CADM2: variants seen among roughly 807,000 people sequenced by gnomAD.
CADM2 encodes the protein cell adhesion molecule 2.
In CADM2, 12 loss-of-function variants were observed where a neutral mutation model predicts 49.8. The observed-to-expected ratio is 0.24, with a 90% confidence interval of 0.15 to 0.39. The LOEUF (loss-of-function observed/expected upper bound fraction) is 0.39. Ranked by LOEUF, CADM2 falls within the 10% of genes least tolerant of loss-of-function variation. The pLI, the probability that CADM2 is intolerant of heterozygous loss-of-function variation, is 1.00. For synonymous variants in CADM2, 214 were observed against 175.4 expected (o/e 1.22, Z -1.74); for missense variants, 378 against 492.3 (o/e 0.77, Z 2.20).
At chr3:85,858,898 C>A (rs1243815890) in intron 3 of CADM2, among the ~76,000 whole-genome samples, 1 of 152,054 alleles carries the variant, frequency 6.6e-6, no homozygotes, top group Non-Finnish European at 1.5e-5. Flanking sequence ...AACAAAACAG[C>A]CTATATGATA....
At chr3:85,476,828 C>T (rs1162093214) in intron 1 of CADM2, among the ~76,000 whole-genome samples, 4 of 151,662 alleles carry the variant, frequency 2.6e-5, no homozygotes, top group African/African-American at 7.3e-5. Flanking sequence ...ATCTATCTTC[C>T]TACCTTCTAT....
intron 1 of CADM2, among the ~76,000 whole-genome samples, chr3:85,101,676 C>T (rs2038019233): frequency 6.6e-6 from 1 of 152,118 alleles, no homozygotes; most frequent in African/African-American, 2.4e-5. Context: ...ATGACTACAG[C>T]TTAGAAGTAT....
rs563847803 is a variant in CADM2 at position 86,043,294 on chromosome 3, C to T, written c.971-22311C>T. Among the ~76,000 whole-genome samples, 11 of 152,264 alleles carry T rather than the reference C, an allele frequency of 7.2e-5. No homozygotes were observed. In the East Asian group the frequency reaches 2.1e-3, roughly 29 times the overall value. Reference sequence around the variant, plus strand: ...AGGAAAAGAGGAAGTCAAATTGTCCCTGTTTGCAGAAGACATGATTGTATA... The same window carrying T: ...AGGAAAAGAGGAAGTCAAATTGTCCTTGTTTGCAGAAGACATGATTGTATA... On this transcript the variant is annotated intron_variant, in intron 8 of 9. Coordinates refer to ENST00000383699, the MANE Select transcript of CADM2 (RefSeq NM_001167675.2).
intron 8 of CADM2, among the ~76,000 whole-genome samples, chr3:86,035,545 C>A (rs770742128): frequency 1.3e-5 from 2 of 152,052 alleles, no homozygotes; most frequent in Non-Finnish European, 2.9e-5. Flanking sequence ...GTATACTTTG[C>A]ACAGTGTTTG....
At chr3:85,039,226 C>T (rs1040248663) in intron 1 of CADM2, among the ~76,000 whole-genome samples, 1 of 152,198 alleles carries the variant, frequency 6.6e-6, no homozygotes, top group Non-Finnish European at 1.5e-5. Context: ...GTATCGGACT[C>T]CTCACCTCAG....
intron 3 of CADM2, among the ~76,000 whole-genome samples, chr3:85,880,091 T>C (rs73847416): frequency 0.054 from 8,296 of 152,236 alleles, 640 homozygotes; most frequent in African/African-American, 0.17. Context: ...ATCATATAAA[T>C]GGATTCCGTC....
At chr3:85,801,568 C>G (rs1054966341) in intron 2 of CADM2, among the ~76,000 whole-genome samples, 1 of 151,986 alleles carries the variant, frequency 6.6e-6, no homozygotes, top group East Asian at 1.9e-4. Context: ...TTTCCTTTAT[C>G]AGAAATTGAA....
intron 1 of CADM2, among the ~76,000 whole-genome samples, chr3:85,097,117 T>A (rs966827719): frequency 1.3e-5 from 2 of 152,142 alleles, no homozygotes; most frequent in African/African-American, 4.8e-5. Context: ...TCATTTAGCA[T>A]TTGGTATATA....
intron 1 of CADM2, among the ~76,000 whole-genome samples, chr3:85,392,932 A>C (rs983749617): frequency 3.9e-5 from 6 of 152,042 alleles, no homozygotes; most frequent in African/African-American, 2.4e-5. Flanking sequence ...TTGTATACTA[A>C]AACACATCTG....
At chr3:84,959,723 C>T in intron 1 of CADM2, 55 bp downstream of exon 1, 1 of 1,441,214 alleles carries the variant, frequency 6.9e-7, no homozygotes, top group Non-Finnish European at 9.4e-7. Context: ...CCCCATCTTC[C>T]CCATTCCACC....
At chr3:84,980,543 T>C (rs1290968763) in intron 1 of CADM2, among the ~76,000 whole-genome samples, 1 of 152,192 alleles carries the variant, frequency 6.6e-6, no homozygotes, top group African/African-American at 2.4e-5. Flanking sequence ...ATTTTTTAAA[T>C]TCCTGGCAAG....
intron 8 of CADM2, among the ~76,000 whole-genome samples, chr3:86,040,563 C>A (rs1437039800): frequency 6.6e-6 from 1 of 152,060 alleles, no homozygotes; most frequent in Non-Finnish European, 1.5e-5. Context: ...ACAAAGCCTC[C>A]AAGAAATATG....
rs531980165 is a variant in CADM2, at chr3:85,206,479, T to C, written c.61+246811T>C. Reference sequence around the variant, plus strand: ...CCCGTCACCACGCCCGGCTAATTTTTTGTATTTTTAGTAGAGACGGGGTTT... The same window carrying C: ...CCCGTCACCACGCCCGGCTAATTTTCTGTATTTTTAGTAGAGACGGGGTTT... On this transcript the variant is annotated intron_variant, in intron 1 of 9. Transcript: ENST00000383699. Among the ~76,000 whole-genome samples, 250 of 151,964 alleles carry C rather than the reference T, an allele frequency of 1.6e-3. 1 individual carries two copies. Among genetic ancestry groups the C allele is most frequent in the African/African-American group, 5.8e-3 (241 of 41,434 alleles).
At chr3:86,026,265 C>G (rs951855848) in intron 8 of CADM2, among the ~76,000 whole-genome samples, 14 of 151,868 alleles carry the variant, frequency 9.2e-5, no homozygotes, top group African/African-American at 3.4e-4. Flanking sequence ...AAAGATGGTA[C>G]TAGGGGAGAA....
At chr3:85,515,401 T>A in intron 1 of CADM2, among the ~76,000 whole-genome samples, 1 of 140,874 alleles carries the variant, frequency 7.1e-6, no homozygotes, top group Admixed American at 7.7e-5. Flanking sequence ...GAGTTTCTCT[T>A]TTCTTTTGTT....
intron 1 of CADM2, among the ~76,000 whole-genome samples, chr3:85,709,796 G>A (rs1234549830): frequency 6.6e-6 from 1 of 152,052 alleles, no homozygotes; most frequent in African/African-American, 2.4e-5. Flanking sequence ...TATTTGGACT[G>A]GCATCTGCAG....
At chr3:85,614,103 T>C (rs1192980233) in intron 1 of CADM2, among the ~76,000 whole-genome samples, 1 of 151,654 alleles carries the variant, frequency 6.6e-6, no homozygotes, top group East Asian at 1.9e-4. Context: ...AAGATAATAA[T>C]ACACAGACAA....
intron 1 of CADM2, among the ~76,000 whole-genome samples, chr3:85,433,035 T>C (rs1170799609): frequency 6.6e-6 from 1 of 152,124 alleles, no homozygotes; most frequent in Non-Finnish European, 1.5e-5. Flanking sequence ...CATTTCATGC[T>C]ATTTAATTAG....
At chr3:85,571,164 A>G (rs1256080392) in intron 1 of CADM2, among the ~76,000 whole-genome samples, 2 of 152,184 alleles carry the variant, frequency 1.3e-5, no homozygotes, top group African/African-American at 4.8e-5. Context: ...TGATGATTTC[A>G]TACAAAGATA....
Sources: allele counts gnomAD v4.1 joint callset (sites outside exome capture counted in the v4.1 genomes callset), GRCh38; gene constraint gnomAD v4.1.1; transcripts MANE v1.5; gene names NCBI Gene and HGNC (gene_info 2026-07-23, HGNC 2026-07-21).